The following GPBP1L1 variants were observed in gnomAD, a reference collection of about 807,000 sequenced individuals.
The protein encoded by GPBP1L1 is GC-rich promoter binding protein 1 like 1, also known as vasculin-like protein 1.
In GPBP1L1, 23 loss-of-function variants were observed where a neutral mutation model predicts 52.5. The observed-to-expected ratio is 0.44, with a 90% CI of 0.32 to 0.62. The LOEUF (loss-of-function observed/expected upper bound fraction) is 0.62. Ranked by LOEUF, GPBP1L1 falls within the 20% of genes least tolerant of loss-of-function variation. The probability of loss-of-function intolerance (pLI) is 0.06; values close to 1 mark genes in which losing one functional copy is unlikely to be tolerated. For synonymous variants in GPBP1L1, 243 were observed against 203.1 expected, an observed-to-expected ratio of 1.20 and a Z score of -1.67; for missense variants, 596 against 579.3, an observed-to-expected ratio of 1.03 and a Z score of -0.30.
chr1:45,634,547 T>C (rs1644570674), intron 8 of GPBP1L1: 1 of 222,564 alleles, frequency 4.5e-6, no homozygotes, highest in Non-Finnish European at 8.8e-6. Flanking sequence ...CACTGTGCAA[T>C]TTCTCAAAGC....
intron 6 of GPBP1L1, chr1:45,645,983 T>C (rs1287131170): frequency 2.0e-6 from 1 of 506,402 alleles, no homozygotes; most frequent in Non-Finnish European, 3.9e-6. Flanking sequence ...AAGCTGGGGC[T>C]CTACACTTGT....
In GPBP1L1 at chr1:45,663,826, T is replaced by G. The variant is rs1644975969; in HGVS notation, c.-1097-2601A>C. On this transcript the variant is annotated intron_variant, in intron 2 of 12. Transcript: ENST00000355105. ...ACGAACTTACTTGCTCTGAAAATTTTAAATTAAAGATCTTTAGTGATGTCT... is the reference window on the plus strand; with the variant it reads ...ACGAACTTACTTGCTCTGAAAATTTGAAATTAAAGATCTTTAGTGATGTCT... 2.0e-5 allele frequency among the ~76,000 whole-genome samples: 3 copies of G among 152,230 alleles called. No homozygotes were observed. In the South Asian group the frequency reaches 6.2e-4, roughly 31 times the overall value.
At chr1:45,683,282 T>G (rs1232947703) in intron 2 of GPBP1L1, among the ~76,000 whole-genome samples, 1 of 131,562 alleles carries the variant, frequency 7.6e-6, no homozygotes, top group Admixed American at 8.8e-5. Flanking sequence ...CTCGGCTCAC[T>G]GGAAGCTCTG....
At chr1:45,635,230 T>G (rs1049202841) in intron 8 of GPBP1L1, 2 of 152,198 alleles carry the variant, frequency 1.3e-5, no homozygotes, top group South Asian at 4.1e-4. Flanking sequence ...TTGTTCAAGG[T>G]TATTCAGCTA....
At chr1:45,654,061 CTTTGA>C (rs374404436) in intron 6 of GPBP1L1, among the ~76,000 whole-genome samples, 3 of 151,884 alleles carry the variant, frequency 2.0e-5, no homozygotes, top group Admixed American at 6.6e-5. Flanking sequence ...AAAATGCTAC[CTTTGA>C]TTTAAGAGGC....
intron 2 of GPBP1L1, among the ~76,000 whole-genome samples, chr1:45,680,984 A>G (rs1645206097): frequency 6.6e-6 from 1 of 152,192 alleles, no homozygotes; most frequent in African/African-American, 2.4e-5. Context: ...AAACCAGGAA[A>G]CAAGAACACT....
At chr1:45,645,998 C>T (rs903322177) in intron 6 of GPBP1L1, 3 of 507,426 alleles carry the variant, frequency 5.9e-6, no homozygotes, top group South Asian at 4.3e-5. Flanking sequence ...ACTTGTTTAG[C>T]CTGCCTGTGA....
intron 6 of GPBP1L1, chr1:45,646,130 C>T (rs1242958329): frequency 1.7e-5 from 7 of 400,346 alleles, no homozygotes; most frequent in Admixed American, 3.1e-5. Context: ...TAAGAACCGG[C>T]GTTTCCCTCT....
chr1:45,676,462 G>C (rs1366476557), intron 2 of GPBP1L1, among the ~76,000 whole-genome samples: 2 of 151,734 alleles, frequency 1.3e-5, no homozygotes, highest in African/African-American at 4.8e-5. Flanking sequence ...AAATTAGCCA[G>C]CTTTGGGAGG....
chr1:45,657,304 C>A (rs1644896622), intron 4 of GPBP1L1, among the ~76,000 whole-genome samples: 2 of 152,052 alleles, frequency 1.3e-5, no homozygotes, highest in Admixed American at 6.6e-5. Flanking sequence ...GAGACTGAGG[C>A]AGGTACATCG....
intron 10 of GPBP1L1, among the ~76,000 whole-genome samples, chr1:45,631,328 T>C (rs779363217): frequency 1.3e-5 from 2 of 152,192 alleles, no homozygotes; most frequent in Non-Finnish European, 2.9e-5. Flanking sequence ...AGTGGCGCGA[T>C]CTCGGCTCAC....
At chr1:45,646,719 G>C (rs1644751467) in intron 6 of GPBP1L1, among the ~76,000 whole-genome samples, 1 of 151,848 alleles carries the variant, frequency 6.6e-6, no homozygotes, top group Non-Finnish European at 1.5e-5. Context: ...CACCATGCCT[G>C]GCTAATTTTT....
chr1:45,673,369 C>T (rs1645098080), intron 2 of GPBP1L1, among the ~76,000 whole-genome samples: 1 of 152,182 alleles, frequency 6.6e-6, no homozygotes, highest in Non-Finnish European at 1.5e-5. Flanking sequence ...TACAGAGATA[C>T]AGCAGAGCTT....
intron 10 of GPBP1L1, among the ~76,000 whole-genome samples, chr1:45,632,534 G>C (rs985039595): frequency 1.3e-5 from 2 of 152,166 alleles, no homozygotes; most frequent in African/African-American, 4.8e-5. Context: ...TGGCCAACAT[G>C]ACGAAACTCC....
Position 45,655,523 on chromosome 1 carries a change from C to T in GPBP1L1, c.61-204G>A, listed in dbSNP as rs191664269. ...TATATATTCAATTGCTAATTCACTT[C>T]CTTTATTCCAGGAGAGGAGAAAAGC... On this transcript the variant is annotated intron_variant, in intron 4 of 12. Coordinates refer to ENST00000355105, the MANE Select transcript of GPBP1L1 (RefSeq NM_021639.5). The T allele has an allele frequency of 8.2e-4, 369 of 447,658 alleles. 1 individual carries two copies. The highest frequency in any genetic ancestry group is 7.0e-3 in the African/African-American group (345 of 49,548). 27.7% of individuals were successfully genotyped at this position (447,658 alleles called of 1,614,324 possible). A position where few individuals can be genotyped will look rare whatever the true frequency, so the allele number is the denominator to read the frequency against.
At chr1:45,632,796 A>T (rs1276614367) in intron 10 of GPBP1L1, among the ~76,000 whole-genome samples, 1 of 152,216 alleles carries the variant, frequency 6.6e-6, no homozygotes. Flanking sequence ...CTAATAAAGG[A>T]CTATTAACTA....
At chr1:45,678,364 C>T (rs751389905) in intron 2 of GPBP1L1, among the ~76,000 whole-genome samples, 13 of 152,120 alleles carry the variant, frequency 8.5e-5, no homozygotes, top group African/African-American at 2.4e-4. Flanking sequence ...GGAAATCCTT[C>T]GCCACCAAGG....
chr1:45,639,058 A>G (rs1644633879), intron 8 of GPBP1L1, among the ~76,000 whole-genome samples: 1 of 152,200 alleles, frequency 6.6e-6, no homozygotes, highest in African/African-American at 2.4e-5. Flanking sequence ...TGGAAAAAAA[A>G]AAGGCAATGT....
At position 45,683,751 on chromosome 1, in the gene GPBP1L1, CAAAAA is replaced by C. The variant is rs55857116; in HGVS notation, c.-1098+1820_-1098+1824del. On this transcript the variant is annotated intron_variant, in intron 2 of 12. Coordinates refer to ENST00000355105, the MANE Select transcript of GPBP1L1 (RefSeq NM_021639.5). ...CCTCCCCCTCCTCTCTAATAAAATACAAAAAAAAAAAAAAAAAAAAATTAGCTGGG... is the reference window on the plus strand; with the variant it reads ...CCTCCCCCTCCTCTCTAATAAAATACAAAAAAAAAAAAAAAATTAGCTGGG... Among the ~76,000 whole-genome samples the C allele has an allele frequency of 7.7e-4, 72 of 93,124 alleles. 2 individuals are homozygous for C. The highest frequency in any genetic ancestry group is 2.3e-3 in the East Asian group (7 of 3,072). The allele number at this position is 93,124 out of a possible 152,430, so 61.1% of individuals were successfully genotyped here.
Sources: allele counts gnomAD v4.1 joint callset (sites outside exome capture counted in the v4.1 genomes callset), GRCh38; gene constraint gnomAD v4.1.1; transcripts MANE v1.5; gene names NCBI Gene and HGNC (gene_info 2026-07-23, HGNC 2026-07-21).